The following SPOCK3 variants were observed in gnomAD, a reference collection of about 807,000 sequenced individuals.
The protein encoded by SPOCK3 is SPARC (osteonectin), cwcv and kazal like domains proteoglycan 3.
A neutral mutation model predicts 56.6 loss-of-function variants in SPOCK3; 30 were observed. That is an observed-to-expected ratio of 0.53 (90% CI 0.40 to 0.72). SPOCK3 has a LOEUF of 0.72. SPOCK3 is among the 30% of genes least tolerant of loss of function. The pLI is 0.00. For synonymous variants in SPOCK3, 196 were observed against 183.3 expected (o/e 1.07, Z -0.56); for missense variants, 527 against 530.0 (o/e 0.99, Z 0.06).
intron 2 of SPOCK3, among the ~76,000 whole-genome samples, chr4:167,116,850 TATATACTTTTGTATATAG>T (rs1413057564): frequency 4.0e-4 from 57 of 142,852 alleles, no homozygotes; most frequent in Non-Finnish European, 6.4e-4. Context: ...TACTTTTATA[TATATACTTTTGTATATAG>T]ATATACTTTT....
intron 6 of SPOCK3, among the ~76,000 whole-genome samples, chr4:166,840,324 C>A (rs1747105045): frequency 6.6e-6 from 1 of 152,180 alleles, no homozygotes; most frequent in East Asian, 1.9e-4. Flanking sequence ...AGTACAGGTT[C>A]CCCATTCAGC....
chr4:167,115,081 T>A (rs74898857), intron 2 of SPOCK3, among the ~76,000 whole-genome samples: 1,847 of 152,240 alleles, frequency 0.012, 20 homozygotes, highest in Non-Finnish European at 0.018. Flanking sequence ...AACATAATAT[T>A]TGATATTGCG....
chr4:167,047,062 A>G (rs995025273), intron 3 of SPOCK3, among the ~76,000 whole-genome samples: 1 of 152,190 alleles, frequency 6.6e-6, no homozygotes, highest in Admixed American at 6.5e-5. Flanking sequence ...ATCTCAATCA[A>G]GAAGGCATAT....
At chr4:166,789,437 G>GA (rs1579231443) in intron 7 of SPOCK3, among the ~76,000 whole-genome samples, 1 of 151,288 alleles carries the variant, frequency 6.6e-6, no homozygotes, top group African/African-American at 2.4e-5. Flanking sequence ...CTCAAAAAAA[G>GA]AAAAAAACCA....
At chr4:166,903,634 A>G (rs1340993062) in intron 5 of SPOCK3, among the ~76,000 whole-genome samples, 1 of 151,670 alleles carries the variant, frequency 6.6e-6, no homozygotes, top group African/African-American at 2.4e-5. Flanking sequence ...ATATTTCCGG[A>G]TTGTAGTTAT....
intron 7 of SPOCK3, among the ~76,000 whole-genome samples, chr4:166,762,449 C>T (rs540231940): frequency 1.3e-5 from 2 of 152,154 alleles, no homozygotes; most frequent in African/African-American, 4.8e-5. Flanking sequence ...AAATGAATAT[C>T]TGTTATCTAC....
chr4:166,838,218 TG>T (rs1203567323), intron 6 of SPOCK3, among the ~76,000 whole-genome samples: 1 of 152,188 alleles, frequency 6.6e-6, no homozygotes, highest in Non-Finnish European at 1.5e-5. Context: ...ATTTGTCAAA[TG>T]TGCCATTTTC....
At chr4:167,194,751 C>T (rs1293781017) in intron 2 of SPOCK3, among the ~76,000 whole-genome samples, 1 of 152,114 alleles carries the variant, frequency 6.6e-6, no homozygotes, top group Non-Finnish European at 1.5e-5. Context: ...CTGTCTGTTC[C>T]CTGAGAAGAC....
chr4:166,735,491 A>G (rs1184550130), intron 10 of SPOCK3, among the ~76,000 whole-genome samples: 1 of 152,124 alleles, frequency 6.6e-6, no homozygotes, highest in Non-Finnish European at 1.5e-5. Context: ...TTACCTTAAC[A>G]TGAAAAAGTG....
intron 2 of SPOCK3, among the ~76,000 whole-genome samples, chr4:167,081,173 G>C (rs1216724758): frequency 6.6e-6 from 1 of 151,894 alleles, no homozygotes. Flanking sequence ...ACAGGTAAAA[G>C]TTCTAGCTCA....
chr4:166,929,586 T>A (rs1040902742), intron 4 of SPOCK3, among the ~76,000 whole-genome samples: 16 of 152,212 alleles, frequency 1.1e-4, no homozygotes, highest in Admixed American at 9.2e-4. Flanking sequence ...GTAATTGTTT[T>A]CATCAGAAAT....
chr4:166,784,405 A>G (rs1370691705), intron 7 of SPOCK3, among the ~76,000 whole-genome samples: 1 of 152,128 alleles, frequency 6.6e-6, no homozygotes, highest in African/African-American at 2.4e-5. Context: ...TACAAATCTT[A>G]AGACAATACC....
chr4:166,917,732 T>G (rs867014124), intron 4 of SPOCK3, among the ~76,000 whole-genome samples: 4 of 152,194 alleles, frequency 2.6e-5, no homozygotes, highest in Middle Eastern at 3.4e-3. Flanking sequence ...AGGAAGTGCC[T>G]TGCTTCCCCT....
intron 4 of SPOCK3, among the ~76,000 whole-genome samples, chr4:166,987,212 T>C (rs943889054): frequency 1.3e-5 from 2 of 152,174 alleles, no homozygotes; most frequent in Non-Finnish European, 2.9e-5. Context: ...TTTACTGTTT[T>C]ATGGGAACAT....
At position 166,735,071 on chromosome 4, in the gene SPOCK3, G is replaced by A. The variant is rs143568587; in HGVS notation, c.1152C>T (p.Ser384=). The A allele has an allele frequency of 1.3e-4, 202 of 1,602,170 alleles. 1 individual carries two copies. In the Middle Eastern group the frequency reaches 1.8e-3, roughly 14 times the overall value. ...GAAAATCGCCACTAGCAAAATCTCC[G>A]GAGATCTCAAAATCTATAGCTTAAA... ...VADCAIDFEI[S]GDFASGDFHE... The change falls in exon 11 of 11, where the codon TCC becomes TCT. Residue 384 remains serine, a synonymous_variant. Coordinates refer to ENST00000357545, the MANE Select transcript of SPOCK3 (RefSeq NM_001040159.2).
intron 4 of SPOCK3, among the ~76,000 whole-genome samples, chr4:166,995,798 T>C (rs1203920801): frequency 2.6e-5 from 4 of 152,126 alleles, no homozygotes; most frequent in African/African-American, 9.7e-5. Context: ...TCTGAAGACA[T>C]TATTAATACA....
At chr4:167,031,950 T>G (rs1427623) in intron 3 of SPOCK3, among the ~76,000 whole-genome samples, 1 of 151,808 alleles carries the variant, frequency 6.6e-6, no homozygotes, top group Non-Finnish European at 1.5e-5. Context: ...TATCTAGAGT[T>G]CTGTTAGTCA....
intron 6 of SPOCK3, among the ~76,000 whole-genome samples, chr4:166,839,772 G>A (rs887892876): frequency 3.9e-5 from 6 of 152,122 alleles, no homozygotes; most frequent in Non-Finnish European, 8.8e-5. Flanking sequence ...GGGTATGAAT[G>A]TGCACAGTTT....
intron 2 of SPOCK3, among the ~76,000 whole-genome samples, chr4:167,158,406 G>A (rs1764992185): frequency 6.6e-6 from 1 of 151,938 alleles, no homozygotes; most frequent in Non-Finnish European, 1.5e-5. Flanking sequence ...ATACACATTT[G>A]TATGAAATGC....
Sources: gnomAD v4.1 joint callset for allele counts (sites outside exome capture counted in the v4.1 genomes callset) on GRCh38, gnomAD v4.1.1 for gene constraint, MANE v1.5 for transcripts, NCBI Gene and HGNC (gene_info 2026-07-23, HGNC 2026-07-21) for gene names.